Variants in AACS observed in about 807,000 individuals in gnomAD.
AACS encodes acetoacetate-CoA ligase.
A neutral mutation model predicts 83.1 loss-of-function variants in AACS; 69 were observed. That is an observed-to-expected ratio of 0.83 (90% CI 0.68 to 1.01). AACS has a LOEUF of 1.01. AACS is among the 50% of genes least tolerant of loss of function. The pLI, the probability that AACS is intolerant of heterozygous loss-of-function variation, is 0.00. For missense variants in AACS, 866 were observed against 882.2 expected (o/e 0.98, Z 0.23); for synonymous variants, 333 against 343.4 (o/e 0.97, Z 0.33).
Position 125,142,466 on chromosome 12 carries a change from GCAC to G in AACS, c.*238_*240del, listed in dbSNP as rs1957515875. ...AGGGAGTGTCTGGGCCGCAGGTGTGGCACTGTGGTGAGAGTGTGTGTCTTTGCA... is the reference window on the plus strand; with the variant it reads ...AGGGAGTGTCTGGGCCGCAGGTGTGGTGTGGTGAGAGTGTGTGTCTTTGCA... On this transcript the variant is annotated 3_prime_UTR_variant, in exon 18 of 18. Transcript: ENST00000316519. 1.8e-6 allele frequency: 1 copy of G among 555,598 alleles called. No individual in the cohort carries two copies. Among genetic ancestry groups the G allele is most frequent in the Non-Finnish European group, 3.2e-6 (1 of 315,082 alleles). 34.4% of individuals were successfully genotyped at this position (555,598 alleles called of 1,614,324 possible). A position where few individuals can be genotyped will look rare whatever the true frequency, so the allele number is the denominator to read the frequency against.
At chr12:125,127,935 G>A in intron 12 of AACS, 1 of 381,228 alleles carries the variant, frequency 2.6e-6, no homozygotes. Flanking sequence ...TGGCAGGAAG[G>A]CTCGGCTAAA....
At position 125,140,001 on chromosome 12, in the gene AACS, G is replaced by C. The variant is rs1957456520; in HGVS notation, c.1882-2091G>C. The C allele has an allele frequency of 6.6e-6, 1 of 152,176 alleles. No homozygotes were observed. The highest frequency in any genetic ancestry group is 1.5e-5 in the Non-Finnish European group (1 of 68,050). 9.4% of individuals were successfully genotyped at this position (152,176 alleles called of 1,614,324 possible). A position where few individuals can be genotyped will look rare whatever the true frequency, so the allele number is the denominator to read the frequency against. ...TATGAGGAAACCCAGAGAGATGAGGGGTCTTGCCCAAGGAAGGGGTGTCCA... is the reference window on the plus strand; with the variant it reads ...TATGAGGAAACCCAGAGAGATGAGGCGTCTTGCCCAAGGAAGGGGTGTCCA... On this transcript the variant is annotated intron_variant, in intron 17 of 17. Coordinates refer to ENST00000316519, the MANE Select transcript of AACS (RefSeq NM_023928.5). The surrounding 1 kb of genome is among the most constrained non-coding windows in gnomAD (Gnocchi z 5.1).
chr12:125,097,285 G>T lies in AACS; in HGVS notation c.571-5394G>T, dbSNP rs1356048021. Among the ~76,000 whole-genome samples the T allele has an allele frequency of 6.6e-6, 1 of 152,122 alleles. No individual in the cohort carries two copies. ...TCCACCAAGGACGTCACTGAGGAAG[G>T]GGTACCGGGGGTACCCTTGAAATGG... On this transcript the variant is annotated intron_variant, in intron 5 of 17. Transcript: ENST00000316519. This position sits in a 1 kb window ranked among gnomAD's most constrained non-coding sequence, Gnocchi z 4.3.
intron 4 of AACS, among the ~76,000 whole-genome samples, chr12:125,088,317 C>T (rs188247226): frequency 5.8e-4 from 88 of 151,312 alleles, no homozygotes; most frequent in African/African-American, 1.6e-3. Flanking sequence ...ACTGCAGCCT[C>T]GAACTCCTGG....
rs1388041372 is a variant in AACS, at chr12:125,065,593, G to A, written c.9G>A (p.Lys3=). The A allele has an allele frequency of 2.6e-6, 4 of 1,524,128 alleles. No homozygotes were observed. The highest frequency in any genetic ancestry group is 4.1e-5 in the Admixed American group (2 of 48,284). The allele number at this position is 1,524,128 out of a possible 1,614,324, so 94.4% of individuals were successfully genotyped here. A position where few individuals can be genotyped will look rare whatever the true frequency, so the allele number is the denominator to read the frequency against. Residue 3 remains lysine, a synonymous_variant, in exon 1 of 18, where the codon AAG becomes AAA. Transcript: ENST00000316519. The part of the protein sequence containing the change: MS[K]EERPGREEIL... ...GGCCGCCCGCCGCCGCCATGTCCAA[G>A]GAGGAGCGCCCCGGTCGGGAGGAGA...
intron 3 of AACS, among the ~76,000 whole-genome samples, chr12:125,077,565 G>A (rs1359430721): frequency 6.6e-6 from 1 of 151,778 alleles, no homozygotes; most frequent in African/African-American, 2.4e-5. Context: ...CACTCTTTGT[G>A]TCTAAGACAT....
At chr12:125,069,716 CCTT>C (rs1391120195) in intron 1 of AACS, among the ~76,000 whole-genome samples, 3 of 152,230 alleles carry the variant, frequency 2.0e-5, no homozygotes, top group African/African-American at 7.2e-5. Flanking sequence ...TGCCAAGTGT[CCTT>C]CTGTGTACCA....
intron 8 of AACS, 121 bp downstream of exon 8, chr12:125,107,389 C>T (rs542969038): frequency 7.6e-6 from 10 of 1,313,606 alleles, no homozygotes; most frequent in Middle Eastern, 2.4e-4. Context: ...GAGAGTCCAA[C>T]GTGCAGCTTC....
At chr12:125,073,749 C>T (rs1379754048) in intron 1 of AACS, 127 bp from the exon 2 acceptor site, 2 of 696,178 alleles carry the variant, frequency 2.9e-6, no homozygotes, top group African/African-American at 1.8e-5. Flanking sequence ...CTTCCTCCCC[C>T]AGACCATTTC....
At chr12:125,069,949 T>C (rs1280069417) in intron 1 of AACS, among the ~76,000 whole-genome samples, 1 of 152,212 alleles carries the variant, frequency 6.6e-6, no homozygotes, top group African/African-American at 2.4e-5. Context: ...CTGACGGCTG[T>C]AACTTCAGAA....
chr12:125,102,633 T>G (rs774913411), intron 5 of AACS, 46 bp from the exon 6 acceptor site: 1 of 1,566,484 alleles, frequency 6.4e-7, no homozygotes, highest in East Asian at 2.2e-5. Context: ...CCTGCTGGTT[T>G]TTGCCTTTTG....
intron 10 of AACS, chr12:125,120,374 G>A (rs1489379334): frequency 2.0e-5 from 3 of 152,126 alleles, no homozygotes; most frequent in Non-Finnish European, 4.4e-5. Flanking sequence ...ATCTGAATCT[G>A]TTCTTGGGGG....
In AACS at chr12:125,129,203, G is replaced by C. The variant is rs953279234; in HGVS notation, c.1424-132G>C. ...AGGCTGCTGTGACAGGTGTGTGGGCGTGGACCATCTCTGTACCTTTGTATA... is the reference window on the plus strand; with the variant it reads ...AGGCTGCTGTGACAGGTGTGTGGGCCTGGACCATCTCTGTACCTTTGTATA... On this transcript the variant is annotated intron_variant, in intron 13 of 17. Coordinates refer to ENST00000316519, the MANE Select transcript of AACS (RefSeq NM_023928.5). This position sits in a 1 kb window ranked among gnomAD's most constrained non-coding sequence, Gnocchi z 4.3. 1 of 1,282,956 alleles carries C rather than the reference G, an allele frequency of 7.8e-7. No homozygotes were observed. The allele number at this position is 1,282,956 out of a possible 1,614,324, so 79.5% of individuals were successfully genotyped here.
intron 8 of AACS, 100 bp downstream of exon 8, chr12:125,107,368 C>A: frequency 6.8e-7 from 1 of 1,476,222 alleles, no homozygotes; most frequent in Non-Finnish European, 9.2e-7. Context: ...TCAAACTGCA[C>A]CCCATCCCCG....
At chr12:125,125,102 G>T (rs960691808) in intron 12 of AACS, 78 bp downstream of exon 12, 14 of 1,589,730 alleles carry the variant, frequency 8.8e-6, no homozygotes, top group Non-Finnish European at 1.1e-5. Context: ...CCAGTGCTTG[G>T]ATTCATCCCA....
At chr12:125,133,196 G>C (rs1432451910) in intron 14 of AACS, among the ~76,000 whole-genome samples, 1 of 152,214 alleles carries the variant, frequency 6.6e-6, no homozygotes, top group African/African-American at 2.4e-5. Context: ...GAGGCCCCCA[G>C]CTGGTTAACT....
chr12:125,132,990 A>C (rs1957348179), intron 14 of AACS, among the ~76,000 whole-genome samples: 1 of 152,208 alleles, frequency 6.6e-6, no homozygotes, highest in African/African-American at 2.4e-5. Context: ...GTCAGTGAAG[A>C]CACAGAAGCT....
intron 4 of AACS, among the ~76,000 whole-genome samples, chr12:125,090,139 A>AT (rs1565931954): frequency 5.8e-5 from 7 of 121,228 alleles, no homozygotes; most frequent in South Asian, 2.9e-4. Context: ...ATCATCCATC[A>AT]CCATCATCCA....
intron 5 of AACS, among the ~76,000 whole-genome samples, chr12:125,093,655 C>T (rs1277690763): frequency 6.6e-6 from 1 of 152,244 alleles, no homozygotes; most frequent in Non-Finnish European, 1.5e-5. Flanking sequence ...TCTGCTCACC[C>T]CATGGCTCCC....
Sources: allele counts gnomAD v4.1 joint callset (sites outside exome capture counted in the v4.1 genomes callset), GRCh38; gene constraint gnomAD v4.1.1; non-coding constraint Gnocchi (gnomAD v3.1); transcripts MANE v1.5; gene names NCBI Gene and HGNC (gene_info 2026-07-23, HGNC 2026-07-21).